The following YIPF7 variants were observed in gnomAD, a reference collection of about 807,000 sequenced individuals.
YIPF7 encodes Yip1 domain family member 7.
YIPF7 carries 35 observed loss-of-function variants against 27.2 expected under a neutral mutation model. The observed-to-expected ratio is 1.29, with a 90% CI of 0.98 to 1.70. YIPF7 has a LOEUF of 1.70. YIPF7 is among the 40% of genes most tolerant of loss of function. The probability of loss-of-function intolerance (pLI) is 0.00; values close to 1 mark genes in which losing one functional copy is unlikely to be tolerated. For missense variants in YIPF7, 358 were observed against 303.7 expected, an observed-to-expected ratio of 1.18 and a Z score of -1.33; for synonymous variants, 137 against 110.4, an observed-to-expected ratio of 1.24 and a Z score of -1.51.
At chr4:44,649,821 A>T (rs1713660085) in intron 2 of YIPF7, among the ~76,000 whole-genome samples, 164 bp downstream of exon 2, 1 of 152,116 alleles carries the variant, frequency 6.6e-6, no homozygotes, top group Non-Finnish European at 1.5e-5. Context: ...TATTTTGTTA[A>T]TTAGTTGCTT....
intron 2 of YIPF7, among the ~76,000 whole-genome samples, chr4:44,638,513 C>A (rs1713216290): frequency 6.6e-6 from 1 of 152,212 alleles, no homozygotes; most frequent in Non-Finnish European, 1.5e-5. Flanking sequence ...GATGCAATAC[C>A]ACCTTACTCC....
At chr4:44,652,998 G>A (rs1325006909), upstream of YIPF7, among the ~76,000 whole-genome samples, 2 of 152,092 alleles carry the variant, frequency 1.3e-5, no homozygotes, top group Admixed American at 1.3e-4. Context: ...GATGGAGAGT[G>A]CAAAGGGGAG....
chr4:44,634,888 T>C (rs1042301701), intron 3 of YIPF7, among the ~76,000 whole-genome samples: 2 of 152,208 alleles, frequency 1.3e-5, no homozygotes, highest in African/African-American at 4.8e-5. Flanking sequence ...TTATTACTTG[T>C]AGAGGCAAAA....
At chr4:44,628,470 A>G (rs1712749741) in intron 4 of YIPF7, among the ~76,000 whole-genome samples, 1 of 152,176 alleles carries the variant, frequency 6.6e-6, no homozygotes, top group Non-Finnish European at 1.5e-5. Context: ...AGAGGGCTAA[A>G]TAGTTATTGT....
chr4:44,649,346 T>C (rs1351183250), intron 2 of YIPF7, among the ~76,000 whole-genome samples: 1 of 152,184 alleles, frequency 6.6e-6, no homozygotes, highest in Non-Finnish European at 1.5e-5. Flanking sequence ...GAGAACTTGA[T>C]GAATTTCTCT....
At chr4:44,660,516 A>G (rs1422797949) in exon 2 of YIPF7, 1 of 152,144 alleles carries the variant, frequency 6.6e-6, no homozygotes, top group Admixed American at 6.5e-5. Context: ...ACAAGATGAG[A>G]GAGAAAGAGA....
Position 44,624,725 on chromosome 4 carries a change from T to C in YIPF7, c.484A>G (p.Ile162Val), listed in dbSNP as rs746546018. The change falls in exon 5 of 6, where the codon ATT (isoleucine) becomes GTT (valine). Residue 162 changes from isoleucine to valine, a missense_variant. Physicochemically the swap from Ile to Val is conservative, Grantham distance 29 (BLOSUM62 3). Transcript: ENST00000415895. The part of the protein sequence containing the change: ...YGMSAIGCLV[I>V]HALLNLMSSS... ...CTCATCAGGTTCAGCAAGGCATGAATCACAAGGCAGCCAATGGCACTCATG... is the reference window on the plus strand; with the variant it reads ...CTCATCAGGTTCAGCAAGGCATGAACCACAAGGCAGCCAATGGCACTCATG... 7.4e-6 allele frequency: 12 copies of C among 1,611,774 alleles called. No individual in the cohort carries two copies. In the Admixed American group the frequency reaches 2.0e-4, roughly 27 times the overall value.
At chr4:44,626,612 G>T (rs1397198875) in intron 4 of YIPF7, among the ~76,000 whole-genome samples, 1 of 152,070 alleles carries the variant, frequency 6.6e-6, no homozygotes, top group East Asian at 1.9e-4. Context: ...TCCCGTTTAA[G>T]TTGTAATTCC....
intron 3 of YIPF7, among the ~76,000 whole-genome samples, 181 bp downstream of exon 3, chr4:44,635,741 C>T (rs965648354): frequency 2.6e-5 from 4 of 152,162 alleles, no homozygotes; most frequent in African/African-American, 9.7e-5. Flanking sequence ...CCAATTTCCC[C>T]TATGCAAACA....
chr4:44,644,749 G>A (rs1219306532), intron 2 of YIPF7, among the ~76,000 whole-genome samples: 1 of 152,096 alleles, frequency 6.6e-6, no homozygotes, highest in Non-Finnish European at 1.5e-5. Context: ...GGAGGGTCCA[G>A]GGGTACAAGG....
At chr4:44,637,591 A>T (rs541220152) in intron 2 of YIPF7, among the ~76,000 whole-genome samples, 50 of 151,850 alleles carry the variant, frequency 3.3e-4, no homozygotes, top group African/African-American at 5.1e-4. Flanking sequence ...TTTCTTTTTT[A>T]AAAAAATTTT....
chr4:44,631,318 G>A (rs975813574), intron 3 of YIPF7, among the ~76,000 whole-genome samples: 3 of 152,056 alleles, frequency 2.0e-5, no homozygotes, highest in Non-Finnish European at 4.4e-5. Flanking sequence ...TTTATATGTG[G>A]CACTCAACCA....
intron 4 of YIPF7, 97 bp downstream of exon 4, chr4:44,629,305 TA>T (rs754393087): frequency 2.3e-6 from 3 of 1,295,986 alleles, no homozygotes; most frequent in Non-Finnish European, 3.0e-6. Context: ...ATTCACTATG[TA>T]AGGTGACACA....
chr4:44,635,681 A>C (rs1191117768), intron 3 of YIPF7, among the ~76,000 whole-genome samples: 1 of 152,316 alleles, frequency 6.6e-6, no homozygotes, highest in African/African-American at 2.4e-5. Flanking sequence ...GAAAGAGTGA[A>C]GGAGCATTTA....
chr4:44,622,301 T>C lies in YIPF7; in HGVS notation c.*113A>G. 2.3e-6 allele frequency: 3 copies of C among 1,300,252 alleles called. No homozygotes were observed. Among genetic ancestry groups the C allele is most frequent in the African/African-American group, 3.0e-5 (2 of 67,050 alleles). 80.5% of individuals were successfully genotyped at this position (1,300,252 alleles called of 1,614,324 possible). ...AGTGCTGCTTTGTCTCTCTGCTTAT[T>C]ACTCTCTCAAAAGCAATAAAACAGA... On this transcript the variant is annotated 3_prime_UTR_variant, in exon 6 of 6. Transcript: ENST00000415895.
intron 2 of YIPF7, among the ~76,000 whole-genome samples, chr4:44,658,876 T>G (rs187428979): frequency 1.8e-3 from 268 of 152,290 alleles, no homozygotes; most frequent in African/African-American, 6.0e-3. Context: ...ATGATTCGAT[T>G]ATCTTCAATC....
At chr4:44,627,997 T>C (rs1712734613) in intron 4 of YIPF7, among the ~76,000 whole-genome samples, 1 of 152,188 alleles carries the variant, frequency 6.6e-6, no homozygotes, top group Admixed American at 6.5e-5. Flanking sequence ...ACAGTAATAT[T>C]CTGCCACAGA....
At chr4:44,652,868 A>G (rs1713777851), upstream of YIPF7, among the ~76,000 whole-genome samples, 1 of 152,304 alleles carries the variant, frequency 6.6e-6, no homozygotes, top group South Asian at 2.1e-4. Context: ...TGGAGATTGA[A>G]TAATTTTCCC....
At chr4:44,635,169 T>C (rs1007421021) in intron 3 of YIPF7, among the ~76,000 whole-genome samples, 1 of 152,212 alleles carries the variant, frequency 6.6e-6, no homozygotes, top group Non-Finnish European at 1.5e-5. Context: ...CAGTGACTAT[T>C]TCTGCTTGGT....
Sources: allele counts gnomAD v4.1 joint callset (sites outside exome capture counted in the v4.1 genomes callset), GRCh38; gene constraint gnomAD v4.1.1; transcripts MANE v1.5; gene names NCBI Gene and HGNC (gene_info 2026-07-23, HGNC 2026-07-21).